The following CHRM2 variants were observed in gnomAD, a reference collection of about 807,000 sequenced individuals.
CHRM2 encodes the protein muscarinic acetylcholine receptor M2.
In CHRM2, 8 loss-of-function variants were observed where a neutral mutation model predicts 25.0. The ratio of observed to expected loss-of-function variants is 0.32; its 90% CI spans 0.19 to 0.58. CHRM2 has a LOEUF of 0.58. Ranked by LOEUF, CHRM2 falls within the 20% of genes least tolerant of loss-of-function variation. The probability of loss-of-function intolerance (pLI) is 0.88; values close to 1 mark genes in which losing one functional copy is unlikely to be tolerated. For synonymous variants in CHRM2, 202 were observed against 205.7 expected (o/e 0.98, Z 0.15); for missense variants, 440 against 567.1 (o/e 0.78, Z 2.28).
At chr7:136,980,209 T>G (rs556300384) in intron 2 of CHRM2, among the ~76,000 whole-genome samples, 2 of 152,360 alleles carry the variant, frequency 1.3e-5, no homozygotes, top group East Asian at 3.9e-4. Context: ...TTGTAGCAGT[T>G]GTGAATGGGA....
At chr7:136,961,146 A>C (rs534280798) in intron 2 of CHRM2, among the ~76,000 whole-genome samples, 1 of 152,202 alleles carries the variant, frequency 6.6e-6, no homozygotes, top group South Asian at 2.1e-4. Flanking sequence ...AATTAAAAAA[A>C]CCATATGCAT....
intron 2 of CHRM2, among the ~76,000 whole-genome samples, chr7:136,968,208 C>A (rs1801533745): frequency 6.6e-6 from 1 of 151,808 alleles, no homozygotes; most frequent in African/African-American, 2.4e-5. Context: ...AAATTTGTAC[C>A]CTTGACCATC....
Position 137,019,102 on chromosome 7 carries a change from G to A in CHRM2, c.*2836G>A, listed in dbSNP as rs952140525. 6.6e-6 allele frequency: 1 copy of A among 151,878 alleles called. No individual in the cohort carries two copies. Among genetic ancestry groups the A allele is most frequent in the African/African-American group, 2.4e-5 (1 of 41,390 alleles). The allele number at this position is 151,878 out of a possible 1,614,324, so 9.4% of individuals were successfully genotyped here. A position where few individuals can be genotyped will look rare whatever the true frequency, so the allele number is the denominator to read the frequency against. On this transcript the variant is annotated 3_prime_UTR_variant, in exon 4 of 4. Coordinates refer to ENST00000680005, the MANE Select transcript of CHRM2 (RefSeq NM_001006630.2). Reference sequence around the variant, plus strand: ...AAACAAATATTATTTGGCTCAAAATGTCAATAGTTCCAAGATTGAGAAATT... The same window carrying A: ...AAACAAATATTATTTGGCTCAAAATATCAATAGTTCCAAGATTGAGAAATT...
At chr7:136,951,962 T>A (rs969871634) in intron 2 of CHRM2, among the ~76,000 whole-genome samples, 2 of 152,160 alleles carry the variant, frequency 1.3e-5, no homozygotes, top group African/African-American at 4.8e-5. Flanking sequence ...ATAGTATCTT[T>A]GGGGCATCTC....
chr7:137,007,157 T>C (rs929042417), intron 3 of CHRM2, among the ~76,000 whole-genome samples: 4 of 152,108 alleles, frequency 2.6e-5, no homozygotes, highest in Non-Finnish European at 5.9e-5. Context: ...GCTTTCTGTA[T>C]TTATTTCACC....
intron 2 of CHRM2, among the ~76,000 whole-genome samples, chr7:136,945,235 T>A (rs975658895): frequency 6.6e-6 from 1 of 152,292 alleles, no homozygotes; most frequent in South Asian, 2.1e-4. Context: ...TTAGTTTAAT[T>A]AAGTCCAATC....
At chr7:137,009,184 G>A (rs1804646216) in intron 3 of CHRM2, among the ~76,000 whole-genome samples, 1 of 152,080 alleles carries the variant, frequency 6.6e-6, no homozygotes, top group Admixed American at 6.6e-5. Context: ...AGCAGTGTGT[G>A]AAGAAAATTC....
At position 137,012,476 on chromosome 7, in the gene CHRM2, C is replaced by T. The variant is rs1022899239; in HGVS notation, c.-46-2344C>T. 2.0e-5 allele frequency among the ~76,000 whole-genome samples: 3 copies of T among 151,900 alleles called. No homozygotes were observed. The East Asian group carries it at 5.8e-4, about 29-fold the overall frequency. On this transcript the variant is annotated intron_variant, in intron 3 of 3. Transcript: ENST00000680005. The stretch of plus-strand genomic sequence containing the variant: ...TCAATATTTCCCAATGAGCTGCAGG[C>T]ATACATATGTAATATTACATATAAT...
chr7:136,999,772 G>C (rs148060904), intron 3 of CHRM2, among the ~76,000 whole-genome samples: 2 of 152,080 alleles, frequency 1.3e-5, no homozygotes, highest in African/African-American at 2.4e-5. Context: ...ACTGCTTCCC[G>C]ATACTACATA....
rs57705639 is a variant in CHRM2, at chr7:136,930,898, C to CAAAAA, written c.-124-61264_-124-61260dup. On this transcript the variant is annotated intron_variant, in intron 2 of 3. Coordinates refer to ENST00000680005, the MANE Select transcript of CHRM2 (RefSeq NM_001006630.2). ...GGCTACAGAGCCAGACTCATTCTCT[C>CAAAAA]AAAAAAAAAAAAAAAAAAAAAAAAA... Among the ~76,000 whole-genome samples the CAAAAA allele has an allele frequency of 6.4e-4, 39 of 61,132 alleles. 2 individuals carry two copies. Among genetic ancestry groups the CAAAAA allele is most frequent in the African/African-American group, 1.4e-3 (35 of 25,018 alleles). The allele number at this position is 61,132 out of a possible 152,430, so 40.1% of individuals were successfully genotyped here.
At chr7:136,906,751 T>A (rs1271079983) in intron 2 of CHRM2, among the ~76,000 whole-genome samples, 3 of 151,778 alleles carry the variant, frequency 2.0e-5, no homozygotes, top group African/African-American at 7.3e-5. Flanking sequence ...GTCCCCAACC[T>A]TTTTGGCCAC....
intron 2 of CHRM2, among the ~76,000 whole-genome samples, chr7:136,937,046 C>T (rs950877065): frequency 1.3e-5 from 2 of 152,164 alleles, no homozygotes; most frequent in African/African-American, 2.4e-5. Context: ...ACTAGGAGTA[C>T]ATTGTACTTC....
intron 2 of CHRM2, among the ~76,000 whole-genome samples, chr7:136,982,378 G>C (rs1009197258): frequency 6.6e-6 from 1 of 152,040 alleles, no homozygotes; most frequent in African/African-American, 2.4e-5. Flanking sequence ...GCACATCAAC[G>C]GATGTTGACT....
At chr7:136,960,269 T>G (rs1180948602) in intron 2 of CHRM2, among the ~76,000 whole-genome samples, 1 of 152,166 alleles carries the variant, frequency 6.6e-6, no homozygotes, top group African/African-American at 2.4e-5. Flanking sequence ...GACCTCCATA[T>G]TAACAGAGGC....
intron 2 of CHRM2, among the ~76,000 whole-genome samples, chr7:136,909,553 G>T (rs1797729152): frequency 6.6e-6 from 1 of 151,862 alleles, no homozygotes; most frequent in Admixed American, 6.6e-5. Context: ...TTGGTCCTAG[G>T]ATTTTAATGC....
At position 136,948,117 on chromosome 7, in the gene CHRM2, G is replaced by C. The variant is rs1437068468; in HGVS notation, c.-124-44070G>C. On this transcript the variant is annotated intron_variant, in intron 2 of 3. Coordinates refer to ENST00000680005, the MANE Select transcript of CHRM2 (RefSeq NM_001006630.2). ...AGTATCTACAATGCTTCTGTTCACAGGACAGATTCTATACAACAGCAAAGA... is the reference window on the plus strand; with the variant it reads ...AGTATCTACAATGCTTCTGTTCACACGACAGATTCTATACAACAGCAAAGA... 1.3e-5 allele frequency among the ~76,000 whole-genome samples: 2 copies of C among 152,218 alleles called. 1 individual carries two copies. The highest frequency in any genetic ancestry group is 2.9e-5 in the Non-Finnish European group (2 of 68,012).
intron 2 of CHRM2, among the ~76,000 whole-genome samples, chr7:136,897,058 ATAAATAT>A (rs1479396301): frequency 1.3e-5 from 2 of 151,538 alleles, no homozygotes; most frequent in Non-Finnish European, 2.9e-5. Context: ...GATGGAGTAG[ATAAATAT>A]TAAAGAGCAG....
At chr7:136,938,691 AG>A in intron 2 of CHRM2, 1 of 771,304 alleles carries the variant, frequency 1.3e-6, no homozygotes, top group Non-Finnish European at 2.3e-6. Flanking sequence ...CAGGGGCCAG[AG>A]GTGGACACCT....
Position 136,984,935 on chromosome 7 carries a change from T to G in CHRM2, c.-124-7252T>G, listed in dbSNP as rs1215750044. Among the ~76,000 whole-genome samples the G allele has an allele frequency of 2.0e-5, 3 of 152,136 alleles. No individual in the cohort carries two copies. In the South Asian group the frequency reaches 6.2e-4, roughly 32 times the overall value. ...CTAGAGCATCTTTAATACATCAGTG[T>G]GCATTATGGCACAACAAATGAAGAA... On this transcript the variant is annotated intron_variant, in intron 2 of 3. Transcript: ENST00000680005.
Sources: gnomAD v4.1 joint callset for allele counts (sites outside exome capture counted in the v4.1 genomes callset) on GRCh38, gnomAD v4.1.1 for gene constraint, MANE v1.5 for transcripts, NCBI Gene and HGNC (gene_info 2026-07-23, HGNC 2026-07-21) for gene names.